Variants in SPAG16 observed in about 807,000 individuals in gnomAD.
SPAG16 encodes sperm associated antigen 16.
A neutral mutation model predicts 80.4 loss-of-function variants in SPAG16; 86 were observed. That is an observed-to-expected ratio of 1.07 (90% CI 0.90 to 1.28). SPAG16 has a LOEUF of 1.28. Among genes scored for constraint, SPAG16 ranks in the 50% most tolerant of loss-of-function variants. The pLI, the probability that SPAG16 is intolerant of heterozygous loss-of-function variation, is 0.00. For missense variants in SPAG16, 870 were observed against 765.3 expected, an observed-to-expected ratio of 1.14 and a Z score of -1.61; for synonymous variants, 294 against 265.9, an observed-to-expected ratio of 1.11 and a Z score of -1.03.
intron 10 of SPAG16, among the ~76,000 whole-genome samples, chr2:213,689,184 G>T (rs1230857083): frequency 1.3e-5 from 2 of 152,092 alleles, no homozygotes; most frequent in Non-Finnish European, 2.9e-5. Context: ...GGTCTTGAAT[G>T]CCTGACCTCG....
intron 10 of SPAG16, among the ~76,000 whole-genome samples, chr2:213,809,159 A>G (rs138545767): frequency 2.6e-5 from 4 of 152,324 alleles, no homozygotes; most frequent in Non-Finnish European, 5.9e-5. Context: ...AGTGGCCTTG[A>G]CAGTAAGGGA....
intron 9 of SPAG16, among the ~76,000 whole-genome samples, chr2:213,381,310 C>T (rs1256703966): frequency 6.6e-6 from 1 of 152,108 alleles, no homozygotes; most frequent in East Asian, 1.9e-4. Context: ...CTGTAGTGAA[C>T]CCAACATGAT....
intron 15 of SPAG16, among the ~76,000 whole-genome samples, chr2:214,256,907 A>G (rs1441102838): frequency 1.3e-5 from 2 of 151,812 alleles, no homozygotes; most frequent in Non-Finnish European, 2.9e-5. Flanking sequence ...CAAAGTTTTT[A>G]TTTTTTGCAT....
chr2:214,191,395 T>C (rs1275097445), intron 15 of SPAG16, among the ~76,000 whole-genome samples: 1 of 151,600 alleles, frequency 6.6e-6, no homozygotes, highest in East Asian at 1.9e-4. Flanking sequence ...AGGAAAAGTG[T>C]GATGATGAAA....
At chr2:213,886,174 A>C (rs1455308733) in intron 11 of SPAG16, among the ~76,000 whole-genome samples, 1 of 152,162 alleles carries the variant, frequency 6.6e-6, no homozygotes, top group Non-Finnish European at 1.5e-5. Flanking sequence ...CTTATGACCT[A>C]CAGTCAAACA....
At chr2:213,861,513 A>G (rs2075461659) in intron 10 of SPAG16, among the ~76,000 whole-genome samples, 2 of 152,214 alleles carry the variant, frequency 1.3e-5, no homozygotes, top group South Asian at 2.1e-4. Context: ...ACCGCACCAC[A>G]TTGGCAAGTA....
chr2:213,527,552 T>G (rs1237831775), intron 10 of SPAG16, among the ~76,000 whole-genome samples: 1 of 152,174 alleles, frequency 6.6e-6, no homozygotes, highest in Admixed American at 6.6e-5. Context: ...GCCTCTCCAT[T>G]ATAATGTTCC....
intron 9 of SPAG16, among the ~76,000 whole-genome samples, chr2:213,474,243 G>A (rs2073252954): frequency 6.6e-6 from 1 of 152,186 alleles, no homozygotes; most frequent in Non-Finnish European, 1.5e-5. Context: ...CACCTGGAAA[G>A]GCTGCACATG....
intron 10 of SPAG16, among the ~76,000 whole-genome samples, chr2:213,656,492 T>A (rs1344199951): frequency 1.3e-5 from 2 of 152,198 alleles, no homozygotes; most frequent in Non-Finnish European, 2.9e-5. Flanking sequence ...CTAGAATCAC[T>A]CATGGGATAG....
intron 10 of SPAG16, among the ~76,000 whole-genome samples, chr2:213,659,979 T>C (rs2125177938): frequency 6.6e-6 from 1 of 152,278 alleles, no homozygotes; most frequent in East Asian, 1.9e-4. Flanking sequence ...CTCTTTTCTT[T>C]CTTTTTTTTA....
intron 15 of SPAG16, among the ~76,000 whole-genome samples, chr2:214,264,487 A>G (rs903641153): frequency 1.3e-5 from 2 of 152,248 alleles, no homozygotes; most frequent in South Asian, 2.1e-4. Flanking sequence ...TTTTAGGTTT[A>G]CAGAAAAATT....
intron 9 of SPAG16, among the ~76,000 whole-genome samples, chr2:213,404,792 T>G (rs1319453752): frequency 6.6e-6 from 1 of 152,258 alleles, no homozygotes; most frequent in Non-Finnish European, 1.5e-5. Flanking sequence ...TGTATTTTTC[T>G]AATGAGTAAT....
Position 213,643,767 on chromosome 2 carries a change from C to CTT in SPAG16, c.1070+153705_1070+153706dup, listed in dbSNP as rs71063764. The stretch of plus-strand genomic sequence containing the variant: ...TAGCCTGTCTTCAAGCTCACTACTT[C>CTT]TTTTTTTTTTTTTTTTTTTTTTTTT... On this transcript the variant is annotated intron_variant, in intron 10 of 15. Coordinates refer to ENST00000331683, the MANE Select transcript of SPAG16 (RefSeq NM_024532.5). 6.7e-3 allele frequency among the ~76,000 whole-genome samples: 349 copies of CTT among 52,034 alleles called. 64 individuals carry two copies. The highest frequency in any genetic ancestry group is 0.025 in the African/African-American group (289 of 11,722). The allele number at this position is 52,034 out of a possible 152,430, so 34.1% of individuals were successfully genotyped here. A position where few individuals can be genotyped will look rare whatever the true frequency, so the allele number is the denominator to read the frequency against.
chr2:214,237,838 A>T (rs929264282), intron 15 of SPAG16, among the ~76,000 whole-genome samples: 1 of 152,050 alleles, frequency 6.6e-6, no homozygotes, highest in East Asian at 1.9e-4. Context: ...AAAAAGAAAG[A>T]AGTTTAATGG....
intron 9 of SPAG16, among the ~76,000 whole-genome samples, chr2:213,472,476 C>G (rs770716334): frequency 1.3e-5 from 2 of 152,184 alleles, no homozygotes; most frequent in Non-Finnish European, 2.9e-5. Context: ...ACCCCTGTGT[C>G]TTTTGAGTCC....
intron 10 of SPAG16, among the ~76,000 whole-genome samples, chr2:213,752,677 C>G (rs1447694674): frequency 6.6e-6 from 1 of 152,192 alleles, no homozygotes; most frequent in Non-Finnish European, 1.5e-5. Flanking sequence ...CTCTTTTTCT[C>G]TGCTTTGTAT....
intron 12 of SPAG16, among the ~76,000 whole-genome samples, chr2:213,938,396 G>T (rs2079072546): frequency 6.6e-6 from 1 of 151,932 alleles, no homozygotes; most frequent in South Asian, 2.1e-4. Flanking sequence ...GTATGTGTGT[G>T]TGTGTATTCT....
chr2:214,023,418 G>GA (rs946818686), intron 13 of SPAG16, among the ~76,000 whole-genome samples: 17 of 148,088 alleles, frequency 1.1e-4, no homozygotes, highest in Admixed American at 4.1e-4. Flanking sequence ...AAAAAAAAAA[G>GA]AAAAAAATAC....
At chr2:213,679,204 C>T (rs2064255630) in intron 10 of SPAG16, among the ~76,000 whole-genome samples, 1 of 152,128 alleles carries the variant, frequency 6.6e-6, no homozygotes. Context: ...TATAAGTTTG[C>T]TTAACATTAT....
Sources: allele counts gnomAD v4.1 joint callset (sites outside exome capture counted in the v4.1 genomes callset), GRCh38; gene constraint gnomAD v4.1.1; transcripts MANE v1.5; gene names NCBI Gene and HGNC (gene_info 2026-07-23, HGNC 2026-07-21).